The following RCBTB1 variants were observed in gnomAD, a reference collection of about 807,000 sequenced individuals.
The protein encoded by RCBTB1 is RCC1 and BTB domain containing protein 1.
Under a neutral mutation model 62.4 loss-of-function variants are expected in RCBTB1, and 46 were observed. The observed-to-expected ratio is 0.74, with a 90% CI of 0.58 to 0.94. The LOEUF is 0.94. RCBTB1 is among the 40% of genes least tolerant of loss of function. The probability of loss-of-function intolerance (pLI) is 0.00; values close to 1 mark genes in which losing one functional copy is unlikely to be tolerated. For synonymous variants in RCBTB1, 222 were observed against 245.8 expected (o/e 0.90, Z 0.91); for missense variants, 565 against 654.9 (o/e 0.86, Z 1.50).
At chr13:49,550,533 A>G (rs1961241096) in intron 8 of RCBTB1, 2 of 409,960 alleles carry the variant, frequency 4.9e-6, no homozygotes, top group Non-Finnish European at 3.3e-6. Flanking sequence ...CCAGTAACAC[A>G]TATTATATCA....
intron 2 of RCBTB1, among the ~76,000 whole-genome samples, chr13:49,567,821 C>CG (rs1963128711): frequency 6.6e-6 from 1 of 152,190 alleles, no homozygotes; most frequent in Non-Finnish European, 1.5e-5. Context: ...GAGGATTAAA[C>CG]GCCGTCAAAT....
In RCBTB1 at chr13:49,560,222, T is replaced by C. The variant is rs12146924; in HGVS notation, c.278-138A>G. 536,339 of 856,946 alleles carry C rather than the reference T, an allele frequency of 0.63. 173,095 individuals are homozygous for C. Among genetic ancestry groups the C allele is most frequent in the Non-Finnish European group, 0.68 (380,171 of 556,924 alleles). 53.1% of individuals were successfully genotyped at this position (856,946 alleles called of 1,614,324 possible). On this transcript the variant is annotated intron_variant, in intron 4 of 12. Transcript: ENST00000378302. ...CCCCCTCCTCTCTATTAAGTAACCATGGACAGAGTAAAGGAGAGAGAGATG... is the reference window on the plus strand; with the variant it reads ...CCCCCTCCTCTCTATTAAGTAACCACGGACAGAGTAAAGGAGAGAGAGATG...
At chr13:49,566,814 G>A (rs767388339) in intron 3 of RCBTB1, 46 bp from the exon 4 acceptor site, 16 of 1,545,548 alleles carry the variant, frequency 1.0e-5, no homozygotes, top group Non-Finnish European at 1.4e-5. Flanking sequence ...ACCGAAAGCT[G>A]TATTAAAAGC....
chr13:49,541,420 A>G (rs147766283), intron 11 of RCBTB1, among the ~76,000 whole-genome samples: 2 of 151,456 alleles, frequency 1.3e-5, no homozygotes, highest in East Asian at 1.9e-4. Context: ...CGTGTACCCC[A>G]GAACTTAAAA....
At chr13:49,565,145 C>G (rs1962823386) in intron 4 of RCBTB1, among the ~76,000 whole-genome samples, 1 of 152,226 alleles carries the variant, frequency 6.6e-6, no homozygotes, top group Non-Finnish European at 1.5e-5. Flanking sequence ...CTGCCGAGTG[C>G]CTGCGATTGC....
chr13:49,539,646 G>A (rs1960203255), intron 12 of RCBTB1: 1 of 152,048 alleles, frequency 6.6e-6, no homozygotes, highest in Non-Finnish European at 1.5e-5. Flanking sequence ...ATATCACCGG[G>A]TGGAAATAAA....
intron 11 of RCBTB1, among the ~76,000 whole-genome samples, chr13:49,541,319 C>T (rs184705913): frequency 6.6e-6 from 1 of 152,100 alleles, no homozygotes; most frequent in Admixed American, 6.5e-5. Flanking sequence ...TTAAAATAAG[C>T]CCATAGCTTA....
intron 1 of RCBTB1, among the ~76,000 whole-genome samples, chr13:49,582,434 C>A (rs971706868): frequency 6.6e-6 from 1 of 152,072 alleles, no homozygotes; most frequent in African/African-American, 2.4e-5. Context: ...TTGCAGTGAG[C>A]CAAGATCACA....
chr13:49,559,878 GA>G (rs199810507), intron 5 of RCBTB1, 39 bp downstream of exon 5: 22,697 of 1,121,990 alleles, frequency 0.02, 3 homozygotes, highest in Middle Eastern at 0.027. Flanking sequence ...TTACTATGAT[GA>G]AAAAAAAAAA....
intron 2 of RCBTB1, among the ~76,000 whole-genome samples, chr13:49,577,074 T>C (rs1213264069): frequency 6.6e-6 from 1 of 152,234 alleles, no homozygotes; most frequent in African/African-American, 2.4e-5. Context: ...TGGCTTATCC[T>C]AGCTATTGGC....
chr13:49,582,369 C>T (rs1186194854), intron 1 of RCBTB1, among the ~76,000 whole-genome samples: 3 of 152,260 alleles, frequency 2.0e-5, no homozygotes, highest in African/African-American at 4.8e-5. Flanking sequence ...TGCCTGTAAT[C>T]GCAGCTACTC....
At chr13:49,549,815 G>A (rs1961172121) in intron 8 of RCBTB1, 167 bp from the exon 9 acceptor site, 1 of 985,218 alleles carries the variant, frequency 1.0e-6, no homozygotes, top group Non-Finnish European at 1.2e-6. Flanking sequence ...ATCAGGGCAA[G>A]AGCACTGTTC....
intron 10 of RCBTB1, among the ~76,000 whole-genome samples, chr13:49,544,260 G>A (rs183907481): frequency 4.3e-4 from 66 of 152,170 alleles, no homozygotes; most frequent in African/African-American, 1.5e-3. Context: ...ACCTGAGATC[G>A]GGAGTTCGAG....
At chr13:49,538,398 A>AT in intron 12 of RCBTB1, among the ~76,000 whole-genome samples, 1 of 152,308 alleles carries the variant, frequency 6.6e-6, no homozygotes, top group East Asian at 1.9e-4. Context: ...CGTAACTTGT[A>AT]TTGTAACCTA....
chr13:49,561,691 A>G (rs1300318050), intron 4 of RCBTB1, among the ~76,000 whole-genome samples: 1 of 152,164 alleles, frequency 6.6e-6, no homozygotes, highest in Non-Finnish European at 1.5e-5. Flanking sequence ...TTCTGGAGGT[A>G]GACAAATTGA....
rs1016526999 is a variant in RCBTB1 at position 49,573,999 on chromosome 13, G to T, written c.-42+6506C>A. Among the ~76,000 whole-genome samples, 8 of 147,698 alleles carry T rather than the reference G, an allele frequency of 5.4e-5. No individual in the cohort carries two copies. The East Asian group carries it at 1.6e-3, about 29-fold the overall frequency. Reference sequence around the variant, plus strand: ...GGGTTTCACCATGTTGGCCAGGCTGGTCTCAAACTCCTGACCTCAAGTGAT... The same window carrying T: ...GGGTTTCACCATGTTGGCCAGGCTGTTCTCAAACTCCTGACCTCAAGTGAT... On this transcript the variant is annotated intron_variant, in intron 2 of 12. Coordinates refer to ENST00000378302, the MANE Select transcript of RCBTB1 (RefSeq NM_018191.4).
Position 49,555,644 on chromosome 13 carries a change from G to C in RCBTB1, c.474C>G (p.Gly158=), listed in dbSNP as rs1319446219. Reference sequence around the variant, plus strand: ...TTGCTGTAGAACCTGATCCCACTTGGCCACAGTTGTTATAACCCCAAGCAA... The same window carrying C: ...TTGCTGTAGAACCTGATCCCACTTGCCCACAGTTGTTATAACCCCAAGCAA... ...EVFAWGYNNC[G]QVGSGSTANQ... The change falls in exon 6 of 13, where the codon GGC becomes GGG. Residue 158 remains glycine, a synonymous_variant. Transcript: ENST00000378302. The C allele has an allele frequency of 4.6e-5, 74 of 1,608,572 alleles. No homozygotes were observed. Among genetic ancestry groups the C allele is most frequent in the Non-Finnish European group, 6.1e-5 (72 of 1,177,158 alleles).
chr13:49,541,568 A>C (rs1187309850), intron 11 of RCBTB1, 108 bp downstream of exon 11: 18 of 1,026,606 alleles, frequency 1.8e-5, no homozygotes, highest in Admixed American at 5.5e-5. Flanking sequence ...TTTTTTAAGC[A>C]CCAAATTAAA....
intron 12 of RCBTB1, among the ~76,000 whole-genome samples, chr13:49,540,275 T>A (rs749700049): frequency 6.6e-6 from 1 of 152,138 alleles, no homozygotes; most frequent in Non-Finnish European, 1.5e-5. Flanking sequence ...GTCTGATGCT[T>A]TGGTTCTTCA....
Sources: gnomAD v4.1 joint callset for allele counts (sites outside exome capture counted in the v4.1 genomes callset) on GRCh38, gnomAD v4.1.1 for gene constraint, MANE v1.5 for transcripts, NCBI Gene and HGNC (gene_info 2026-07-23, HGNC 2026-07-21) for gene names.